Variants in LRP1B observed in about 807,000 individuals in gnomAD.
The protein encoded by LRP1B is low-density lipoprotein receptor-related protein 1B.
A neutral mutation model predicts 556.6 loss-of-function variants in LRP1B; 217 were observed. The observed-to-expected ratio is 0.39, with a 90% CI of 0.35 to 0.44. The LOEUF (loss-of-function observed/expected upper bound fraction) is 0.44. Among genes scored for constraint, LRP1B ranks in the 20% least tolerant of loss-of-function variants. LRP1B has a pLI of 1.00. For missense variants in LRP1B, 5,053 were observed against 5,620.8 expected (o/e 0.90, Z 3.23); for synonymous variants, 2,047 against 1,865.8 (o/e 1.10, Z -2.50).
At chr2:141,076,261 G>A (rs1369949732) in intron 7 of LRP1B, among the ~76,000 whole-genome samples, 1 of 152,188 alleles carries the variant, frequency 6.6e-6, no homozygotes, top group Non-Finnish European at 1.5e-5. Flanking sequence ...TTTGATAATT[G>A]CAGATGCTTC....
At chr2:141,025,080 G>C (rs1698180107) in intron 11 of LRP1B, among the ~76,000 whole-genome samples, 1 of 152,000 alleles carries the variant, frequency 6.6e-6, no homozygotes, top group African/African-American at 2.4e-5. Context: ...CACAATAAAA[G>C]GTCCTGAAAA....
At chr2:140,950,832 T>G (rs997425602) in intron 19 of LRP1B, among the ~76,000 whole-genome samples, 2 of 151,990 alleles carry the variant, frequency 1.3e-5, no homozygotes, top group African/African-American at 2.4e-5. Flanking sequence ...AGTTGTTTTT[T>G]TTTTTTGAAA....
At chr2:140,964,529 G>C (rs1008540156) in intron 18 of LRP1B, among the ~76,000 whole-genome samples, 3 of 151,806 alleles carry the variant, frequency 2.0e-5, no homozygotes, top group African/African-American at 4.8e-5. Flanking sequence ...GTCACCGCTA[G>C]ACCAAGGAGC....
intron 37 of LRP1B, 42 bp downstream of exon 37, chr2:140,715,931 C>A: frequency 4.2e-6 from 6 of 1,443,292 alleles, no homozygotes; most frequent in East Asian, 2.4e-5. Context: ...ACTTAGAAAA[C>A]TCACATAAAA....
chr2:141,137,349 C>T (rs527770658), intron 7 of LRP1B, among the ~76,000 whole-genome samples: 81 of 151,930 alleles, frequency 5.3e-4, no homozygotes, highest in African/African-American at 9.9e-4. Flanking sequence ...AGCCAGAGAC[C>T]GGCACTTCCT....
At chr2:141,736,966 GT>G (rs1044512367) in intron 2 of LRP1B, among the ~76,000 whole-genome samples, 1 of 152,176 alleles carries the variant, frequency 6.6e-6, no homozygotes, top group African/African-American at 2.4e-5. Context: ...GCCTCTCAGA[GT>G]GATGAAGTCT....
At chr2:142,035,869 T>C (rs1027937045) in intron 1 of LRP1B, among the ~76,000 whole-genome samples, 5 of 151,756 alleles carry the variant, frequency 3.3e-5, no homozygotes, top group Non-Finnish European at 5.9e-5. Flanking sequence ...TGGGAGGTAA[T>C]TGAATCACGG....
chr2:141,194,619 C>A (rs1681668665), intron 6 of LRP1B, among the ~76,000 whole-genome samples: 1 of 152,060 alleles, frequency 6.6e-6, no homozygotes, highest in South Asian at 2.1e-4. Flanking sequence ...CTATCTGCAA[C>A]CATATTGGAC....
chr2:142,014,500 T>C (rs533665525), intron 1 of LRP1B, among the ~76,000 whole-genome samples: 1 of 152,288 alleles, frequency 6.6e-6, no homozygotes, highest in South Asian at 2.1e-4. Context: ...GAGTGAGTAC[T>C]GCACTGAGGG....
At chr2:140,834,501 G>A (rs141714500) in intron 31 of LRP1B, among the ~76,000 whole-genome samples, 1 of 152,302 alleles carries the variant, frequency 6.6e-6, no homozygotes, top group Admixed American at 6.5e-5. Flanking sequence ...GCCTCCCAAA[G>A]TGCTGGGATT....
chr2:141,381,349 C>T (rs1436692248), intron 3 of LRP1B, among the ~76,000 whole-genome samples: 1 of 150,398 alleles, frequency 6.6e-6, no homozygotes, highest in Non-Finnish European at 1.5e-5. Context: ...CAGAAATCAT[C>T]CATCCAGTCA....
At chr2:141,745,769 C>T (rs1693892783) in intron 2 of LRP1B, among the ~76,000 whole-genome samples, 1 of 152,002 alleles carries the variant, frequency 6.6e-6, no homozygotes, top group Admixed American at 6.6e-5. Flanking sequence ...ACTATAGCCA[C>T]CACAGCTGGC....
chr2:141,236,605 A>C (rs1683654948), intron 5 of LRP1B, among the ~76,000 whole-genome samples: 1 of 152,194 alleles, frequency 6.6e-6, no homozygotes, highest in African/African-American at 2.4e-5. Context: ...TACTTTATAA[A>C]TGGTAGAGTA....
intron 2 of LRP1B, among the ~76,000 whole-genome samples, chr2:141,692,818 C>A (rs187021426): frequency 6.6e-6 from 1 of 152,016 alleles, no homozygotes; most frequent in East Asian, 1.9e-4. Context: ...ACACTCTCAG[C>A]AACTGTAATA....
intron 1 of LRP1B, among the ~76,000 whole-genome samples, chr2:142,005,791 G>A (rs1702782186): frequency 1.3e-5 from 2 of 150,830 alleles, no homozygotes; most frequent in African/African-American, 4.9e-5. Flanking sequence ...GCTAGTTTTG[G>A]CAAGGTATAT....
chr2:140,542,004 T>C (rs377060399), intron 43 of LRP1B, 33 bp from the exon 44 acceptor site: 6 of 1,494,580 alleles, frequency 4.0e-6, no homozygotes, highest in Admixed American at 3.5e-5. Context: ...ATTTTTATGA[T>C]GAATATATAG....
At position 140,292,780 on chromosome 2, in the gene LRP1B, T is replaced by C. The variant is rs894557654; in HGVS notation, c.12967+5028A>G. Among the ~76,000 whole-genome samples, 7 of 152,166 alleles carry C rather than the reference T, an allele frequency of 4.6e-5. 1 individual carries two copies. Among genetic ancestry groups the C allele is most frequent in the Admixed American group, 3.9e-4 (6 of 15,274 alleles). On this transcript the variant is annotated intron_variant, in intron 84 of 90. Coordinates refer to ENST00000389484, the MANE Select transcript of LRP1B (RefSeq NM_018557.3). ...GCCGAACATAGTGACAGGCTCATTG[T>C]AAACATCAAAACATATTCACTGATG...
chr2:141,467,191 G>A (rs1041226302), intron 3 of LRP1B, among the ~76,000 whole-genome samples: 3 of 150,618 alleles, frequency 2.0e-5, no homozygotes, highest in African/African-American at 4.9e-5. Flanking sequence ...GAGAGAGAGC[G>A]CGGGGGGAAT....
chr2:140,701,792 G>A lies in LRP1B; in HGVS notation c.6356C>T (p.Thr2119Met), dbSNP rs147598746. 1.4e-4 allele frequency: 224 copies of A among 1,612,986 alleles called. 1 individual carries two copies. The highest frequency in any genetic ancestry group is 1.6e-4 in the Middle Eastern group (1 of 6,078). ...TCCAAGGCCGGTTCTCATGGTTATC[G>A]TTTCTGTGGCATCATTCTTGTGGCC... Reference protein sequence around the residue: ...RRGHKNDATETITMRTGLGVN... With the variant: ...RRGHKNDATEMITMRTGLGVN... Residue 2119 changes from threonine (T) to methionine (M), a missense_variant, in exon 40 of 91, where the codon ACG becomes ATG. Physicochemically the swap from Thr to Met is moderately conservative, Grantham distance 81. This residue lies in a region of LRP1B where 3,619 missense variants were observed against 3,931.9 expected (regional missense o/e 0.92). Transcript: ENST00000389484.
Sources: gnomAD v4.1 joint callset for allele counts (sites outside exome capture counted in the v4.1 genomes callset) on GRCh38, gnomAD v4.1.1 for gene constraint, gnomAD v4.1.1 regional missense constraint, MANE v1.5 for transcripts, NCBI Gene and HGNC (gene_info 2026-07-23, HGNC 2026-07-21) for gene names.